Variants in RMST observed in about 807,000 individuals in gnomAD.
The protein encoded by RMST is rhabdomyosarcoma 2 associated transcript.
At chr12:97,463,087 C>T (rs1872775064) in intron 3 of RMST, 1 of 151,056 alleles carries the variant, frequency 6.6e-6, no homozygotes, top group Admixed American at 6.6e-5. Flanking sequence ...GACGCACACA[C>T]ACACAAGCAC....
chr12:97,549,751 A>C (rs1228235538), intron 11 of RMST, among the ~76,000 whole-genome samples: 1 of 152,168 alleles, frequency 6.6e-6, no homozygotes, highest in African/African-American at 2.4e-5. Flanking sequence ...TGTCTTTACT[A>C]TCTGTCAGCA....
At chr12:97,492,833 T>G (rs1056021624) in intron 6 of RMST, 1 of 152,286 alleles carries the variant, frequency 6.6e-6, no homozygotes, top group South Asian at 2.1e-4. Flanking sequence ...AAAAGCATGA[T>G]TGTATATTTT....
rs536056788 is a variant in RMST, at chr12:97,561,408, A to T, written n.1958+361A>T. ...TGAACGCAGGTTGGGAGAATTAGCC[A>T]ACCATTGGGTTCTCAGATGTGGTCC... On this transcript the variant is annotated intron_variant and non_coding_transcript_variant, in intron 13 of 13. Transcript: ENST00000640149. Among the ~76,000 whole-genome samples the T allele has an allele frequency of 1.7e-3, 261 of 152,204 alleles. 1 individual carries two copies. Among genetic ancestry groups the T allele is most frequent in the African/African-American group, 6.0e-3 (249 of 41,504 alleles).
intron 11 of RMST, chr12:97,533,877 A>C (rs893726611): frequency 6.6e-6 from 1 of 151,740 alleles, no homozygotes; most frequent in Non-Finnish European, 1.5e-5. Flanking sequence ...GCTATAGTTT[A>C]TTTTTGCACA....
intron 5 of RMST, among the ~76,000 whole-genome samples, chr12:97,470,508 A>AATCAT (rs1459722859): frequency 1.3e-5 from 2 of 152,008 alleles, no homozygotes; most frequent in Non-Finnish European, 2.9e-5. Context: ...ATACTCCTAA[A>AATCAT]ATCATAACCT....
chr12:97,475,497 T>C (rs1458916093), intron 5 of RMST, among the ~76,000 whole-genome samples: 4 of 152,100 alleles, frequency 2.6e-5, no homozygotes, highest in Non-Finnish European at 5.9e-5. Context: ...CATGGACCAA[T>C]TGCTTAGTAT....
intron 11 of RMST, among the ~76,000 whole-genome samples, chr12:97,531,953 T>C (rs1881660531): frequency 6.6e-6 from 1 of 152,016 alleles, no homozygotes; most frequent in Non-Finnish European, 1.5e-5. Context: ...ACATTATCAA[T>C]ATATTCATTT....
chr12:97,549,435 A>G lies in RMST; in HGVS notation n.1546-11102A>G, dbSNP rs188764853. ...TATTTACTGGGGTATGTCTTTCTAAACATTCTTTTTAAAATTAGCCCGAAA... is the reference window on the plus strand; with the variant it reads ...TATTTACTGGGGTATGTCTTTCTAAGCATTCTTTTTAAAATTAGCCCGAAA... On this transcript the variant is annotated intron_variant and non_coding_transcript_variant, in intron 11 of 13. Coordinates refer to ENST00000640149, the Ensembl canonical transcript of RMST. Among the ~76,000 whole-genome samples the G allele has an allele frequency of 7.4e-3, 1,134 of 152,328 alleles. 6 individuals are homozygous for G. Among genetic ancestry groups the G allele is most frequent in the Admixed American group, 0.023 (351 of 15,292 alleles).
At chr12:97,471,954 AT>A (rs1360776427) in intron 5 of RMST, among the ~76,000 whole-genome samples, 2 of 152,064 alleles carry the variant, frequency 1.3e-5, no homozygotes, top group Non-Finnish European at 2.9e-5. Flanking sequence ...GACATTGCAT[AT>A]TAATTTGAAC....
chr12:97,527,555 C>T (rs557469921), intron 10 of RMST, among the ~76,000 whole-genome samples: 3 of 152,260 alleles, frequency 2.0e-5, no homozygotes, highest in East Asian at 3.9e-4. Flanking sequence ...TGCTGAGATT[C>T]TTCAAGGCAA....
At chr12:97,494,444 G>A (rs1247767242) in intron 8 of RMST, among the ~76,000 whole-genome samples, 1 of 152,104 alleles carries the variant, frequency 6.6e-6, no homozygotes, top group Non-Finnish European at 1.5e-5. Context: ...CAGCTACTTG[G>A]GAGGCTGAGG....
At chr12:97,470,250 G>A (rs780950347) in intron 5 of RMST, among the ~76,000 whole-genome samples, 12 of 152,050 alleles carry the variant, frequency 7.9e-5, no homozygotes, top group East Asian at 1.9e-4. Flanking sequence ...ATTTTTTACC[G>A]TGTCTGTGTT....
intron 10 of RMST, among the ~76,000 whole-genome samples, chr12:97,516,163 A>G (rs943038855): frequency 1.3e-5 from 2 of 152,084 alleles, no homozygotes; most frequent in African/African-American, 4.8e-5. Context: ...TTTTTATCAT[A>G]TATCTTGAGA....
chr12:97,537,588 T>A (rs1485955790), intron 11 of RMST, among the ~76,000 whole-genome samples: 1 of 151,444 alleles, frequency 6.6e-6, no homozygotes, highest in East Asian at 1.9e-4. Context: ...TGATTAGCAG[T>A]GTTAATTGAT....
At chr12:97,520,624 A>G (rs1376173042) in intron 10 of RMST, among the ~76,000 whole-genome samples, 3 of 152,134 alleles carry the variant, frequency 2.0e-5, no homozygotes, top group Non-Finnish European at 4.4e-5. Flanking sequence ...CATGCATGAT[A>G]AACTTTCTTG....
At chr12:97,547,759 AGTT>A (rs1883043488) in intron 11 of RMST, among the ~76,000 whole-genome samples, 1 of 151,964 alleles carries the variant, frequency 6.6e-6, no homozygotes, top group Non-Finnish European at 1.5e-5. Flanking sequence ...CTTGCTACTG[AGTT>A]GTTTGAGTTC....
chr12:97,471,516 C>T (rs12424520), intron 5 of RMST, among the ~76,000 whole-genome samples: 1 of 152,084 alleles, frequency 6.6e-6, no homozygotes, highest in Non-Finnish European at 1.5e-5. Context: ...AGCTGAACAG[C>T]CCGTGAGAGT....
In RMST at chr12:97,532,428, G is replaced by A. The variant is rs141482777; in HGVS notation, n.1545+1569G>A. The stretch of plus-strand genomic sequence containing the variant: ...CAGTAAACATTGTGAATAGAAATAA[G>A]TAGGTGAATAGAAATAAGTAGATGA... On this transcript the variant is annotated intron_variant and non_coding_transcript_variant, in intron 11 of 13. Coordinates refer to ENST00000640149, the Ensembl canonical transcript of RMST. Among the ~76,000 whole-genome samples the A allele has an allele frequency of 1.1e-4, 17 of 151,966 alleles. 1 individual carries two copies. In the East Asian group the frequency reaches 3.3e-3, roughly 29 times the overall value.
At chr12:97,498,240 A>T (rs1262567090) in intron 10 of RMST, among the ~76,000 whole-genome samples, 1 of 152,138 alleles carries the variant, frequency 6.6e-6, no homozygotes, top group African/African-American at 2.4e-5. Flanking sequence ...TGCTACGGGG[A>T]TCTAGAATAT....
Sources: allele counts gnomAD v4.1 joint callset (sites outside exome capture counted in the v4.1 genomes callset), GRCh38; gene constraint gnomAD v4.1.1; transcripts MANE v1.5; gene names NCBI Gene and HGNC (gene_info 2026-07-23, HGNC 2026-07-21).